ATXN2: variants seen among roughly 807,000 people sequenced by gnomAD.
ATXN2 encodes ataxin 2, also known as ataxin-2.
ATXN2 carries 37 observed loss-of-function variants against 138.6 expected under a neutral mutation model. That is an observed-to-expected ratio of 0.27 (90% CI 0.21 to 0.35). The LOEUF (loss-of-function observed/expected upper bound fraction) is 0.35. ATXN2 is among the 10% of genes least tolerant of loss of function. The pLI, the probability that ATXN2 is intolerant of heterozygous loss-of-function variation, is 1.00. For synonymous variants in ATXN2, 549 were observed against 543.7 expected (o/e 1.01, Z -0.13); for missense variants, 1,216 against 1,480.3 (o/e 0.82, Z 2.93).
At chr12:111,594,287 G>A (rs1181675035) in intron 1 of ATXN2, among the ~76,000 whole-genome samples, 3 of 151,988 alleles carry the variant, frequency 2.0e-5, no homozygotes, top group Non-Finnish European at 4.4e-5. Context: ...AAGATGAACA[G>A]TCTCACTGAA....
At chr12:111,506,789 T>C (rs1026776941) in intron 14 of ATXN2, among the ~76,000 whole-genome samples, 1 of 152,180 alleles carries the variant, frequency 6.6e-6, no homozygotes, top group Non-Finnish European at 1.5e-5. Context: ...TCAGCCTGCC[T>C]AGTGCCTGTG....
At chr12:111,589,514 G>A (rs1884534978) in intron 1 of ATXN2, among the ~76,000 whole-genome samples, 1 of 151,144 alleles carries the variant, frequency 6.6e-6, no homozygotes, top group African/African-American at 2.4e-5. Flanking sequence ...GCTTATGCCT[G>A]TAATTCCAGC....
At chr12:111,499,453 T>C (rs982332494) in intron 14 of ATXN2, among the ~76,000 whole-genome samples, 2 of 152,148 alleles carry the variant, frequency 1.3e-5, no homozygotes, top group African/African-American at 2.4e-5. Context: ...CCTGTAATCC[T>C]AGCACTTTGG....
At chr12:111,540,524 A>T (rs1881438837) in intron 5 of ATXN2, among the ~76,000 whole-genome samples, 1 of 150,560 alleles carries the variant, frequency 6.6e-6, no homozygotes, top group African/African-American at 2.4e-5. Flanking sequence ...TTTAAAACTG[A>T]ATTTCTTTAA....
intron 1 of ATXN2, among the ~76,000 whole-genome samples, chr12:111,587,896 A>G (rs1340779999): frequency 6.6e-6 from 1 of 152,140 alleles, no homozygotes; most frequent in East Asian, 1.9e-4. Context: ...TCATGGCACG[A>G]AACTGACATT....
chr12:111,592,048 C>T (rs1365522581), intron 1 of ATXN2, among the ~76,000 whole-genome samples: 1 of 149,278 alleles, frequency 6.7e-6, no homozygotes, highest in Admixed American at 6.8e-5. Flanking sequence ...CACCACTGCA[C>T]TCCAGCCTGG....
intron 10 of ATXN2, among the ~76,000 whole-genome samples, chr12:111,514,281 CA>C (rs1398254428): frequency 6.6e-6 from 1 of 152,110 alleles, no homozygotes; most frequent in Non-Finnish European, 1.5e-5. Context: ...TATGAATTGT[CA>C]AAATTCTACA....
intron 1 of ATXN2, among the ~76,000 whole-genome samples, chr12:111,567,478 A>T (rs1396765673): frequency 7.6e-6 from 1 of 131,604 alleles, no homozygotes; most frequent in Non-Finnish European, 1.6e-5. Context: ...CCAGCCTGGG[A>T]GACAGAGCGA....
chr12:111,589,027 AAACC>A (rs1884506344), intron 1 of ATXN2, among the ~76,000 whole-genome samples: 1 of 141,560 alleles, frequency 7.1e-6, no homozygotes, highest in African/African-American at 2.6e-5. Context: ...AAAAAAAACT[AAACC>A]AAACTGGTCA....
intron 14 of ATXN2, among the ~76,000 whole-genome samples, chr12:111,501,218 A>G (rs1878741605): frequency 6.6e-6 from 1 of 152,244 alleles, no homozygotes; most frequent in Admixed American, 6.5e-5. Flanking sequence ...GAAGACAAAG[A>G]TATTAGCAAA....
chr12:111,457,676 A>G, intron 21 of ATXN2: 1 of 226,366 alleles, frequency 4.4e-6, no homozygotes, highest in East Asian at 1.1e-4. Context: ...AACTACTCAA[A>G]CAAGTGCATT....
intron 14 of ATXN2, among the ~76,000 whole-genome samples, chr12:111,507,570 C>A (rs930226372): frequency 6.6e-6 from 1 of 151,484 alleles, no homozygotes; most frequent in African/African-American, 2.4e-5. Context: ...CCAGCCGCCC[C>A]GTCCGGGAGG....
chr12:111,503,000 G>A (rs1878880409), intron 14 of ATXN2, among the ~76,000 whole-genome samples: 3 of 152,216 alleles, frequency 2.0e-5, no homozygotes, highest in African/African-American at 7.2e-5. Context: ...GATGTATAGA[G>A]GCCAACATTC....
chr12:111,510,572 T>C lies in ATXN2; in HGVS notation c.1569A>G (p.Leu523=), dbSNP rs778634822. The change falls in exon 12 of 25, where the codon TTA becomes TTG. Residue 523 remains leucine (L), a synonymous_variant. Transcript: ENST00000673436. ...ACCTGGGTCTATGAGTTTTAGGGGA[T>C]AATCTTGGAACTAGAAGAAAGGGAA... ...WSSVVSGVPR[L]SPKTHRPRSP... 25 of 1,608,568 alleles carry C rather than the reference T, an allele frequency of 1.6e-5. No homozygotes were observed. The highest frequency in any genetic ancestry group is 2.0e-5 in the Non-Finnish European group (24 of 1,176,444).
chr12:111,598,694 CGGCGGGTCACGG>C lies in ATXN2; in HGVS notation c.251+78_251+89del. 1 of 822,140 alleles carries C rather than the reference CGGCGGGTCACGG, an allele frequency of 1.2e-6. No homozygotes were observed. Among genetic ancestry groups the C allele is most frequent in the Non-Finnish European group, 1.5e-6 (1 of 667,938 alleles). 50.9% of individuals were successfully genotyped at this position (822,140 alleles called of 1,614,324 possible). A position where few individuals can be genotyped will look rare whatever the true frequency, so the allele number is the denominator to read the frequency against. On this transcript the variant is annotated intron_variant, in intron 1 of 24. Transcript: ENST00000673436. This position sits in a 1 kb window ranked among gnomAD's most constrained non-coding sequence, Gnocchi z 4.5. ...GGCCCCCAGCCCACCCCGGGTAGCC[CGGCGGGTCACGG>C]GGCGGGGACGGCGGCGCGGGCCGCG...
chr12:111,506,413 G>A (rs1297026429), intron 14 of ATXN2, among the ~76,000 whole-genome samples: 2 of 151,836 alleles, frequency 1.3e-5, no homozygotes, highest in South Asian at 2.1e-4. Context: ...CACTTTAAAC[G>A]GTTTATTTAT....
At position 111,540,270 on chromosome 12, in the gene ATXN2, T is replaced by C. The variant is rs1007481164; in HGVS notation, c.571+12010A>G. 6.0e-5 allele frequency among the ~76,000 whole-genome samples: 9 copies of C among 150,580 alleles called. 1 individual carries two copies. The highest frequency in any genetic ancestry group is 6.0e-5 in the Non-Finnish European group (4 of 67,144). ...AGAAAAAAATAATACTAAAACTAGA[T>C]AGTAAGTATATTAGCATTACACAAC... On this transcript the variant is annotated intron_variant, in intron 5 of 24. Coordinates refer to ENST00000673436, the MANE Select transcript of ATXN2 (RefSeq NM_001372574.1).
intron 1 of ATXN2, among the ~76,000 whole-genome samples, chr12:111,558,148 A>G (rs1293273490): frequency 6.6e-6 from 1 of 152,194 alleles, no homozygotes; most frequent in African/African-American, 2.4e-5. Flanking sequence ...TGCAGAAACC[A>G]CTAATTTCCA....
intron 3 of ATXN2, among the ~76,000 whole-genome samples, chr12:111,553,332 T>C (rs1882215382): frequency 6.6e-6 from 1 of 152,062 alleles, no homozygotes; most frequent in Admixed American, 6.6e-5. Flanking sequence ...AGGGGACTGG[T>C]TCCAGGACCT....
Sources: allele counts gnomAD v4.1 joint callset (sites outside exome capture counted in the v4.1 genomes callset), GRCh38; gene constraint gnomAD v4.1.1; non-coding constraint Gnocchi (gnomAD v3.1); transcripts MANE v1.5; gene names NCBI Gene and HGNC (gene_info 2026-07-23, HGNC 2026-07-21).